Variants in LRRC7 observed in about 807,000 individuals in gnomAD.
LRRC7 encodes the protein leucine rich repeat containing 7.
In LRRC7, 23 loss-of-function variants were observed where a neutral mutation model predicts 175.7. That is an observed-to-expected ratio of 0.13 (90% CI 0.09 to 0.19). The LOEUF is 0.19. Among genes scored for constraint, LRRC7 ranks in the 10% least tolerant of loss-of-function variants. The pLI is 1.00. For synonymous variants in LRRC7, 685 were observed against 680.9 expected (o/e 1.01, Z -0.09); for missense variants, 1,354 against 1,904.7 (o/e 0.71, Z 5.38).
intron 2 of LRRC7, among the ~76,000 whole-genome samples, chr1:69,740,626 C>T (rs773700276): frequency 6.6e-6 from 1 of 152,082 alleles, no homozygotes; most frequent in Non-Finnish European, 1.5e-5. Context: ...GGGTTGATTA[C>T]AGCTCTGCGT....
intron 3 of LRRC7, among the ~76,000 whole-genome samples, chr1:69,791,546 G>C (rs111835486): frequency 0.024 from 3,670 of 152,082 alleles, 77 homozygotes; most frequent in Non-Finnish European, 0.032. Flanking sequence ...GAAGCAGTTG[G>C]GGGAGGGAGC....
chr1:70,121,477 C>T (rs1446246024), intron 26 of LRRC7, among the ~76,000 whole-genome samples: 1 of 152,014 alleles, frequency 6.6e-6, no homozygotes, highest in Non-Finnish European at 1.5e-5. Context: ...AAAAACAAAT[C>T]AGGACAACAA....
intron 2 of LRRC7, among the ~76,000 whole-genome samples, chr1:69,758,010 T>A (rs1375717924): frequency 1.3e-5 from 2 of 152,010 alleles, no homozygotes; most frequent in East Asian, 3.9e-4. Flanking sequence ...CTTTTCATCC[T>A]CGCTGCCACT....
At chr1:69,892,022 G>A (rs1324267292) in intron 7 of LRRC7, among the ~76,000 whole-genome samples, 10 of 152,146 alleles carry the variant, frequency 6.6e-5, no homozygotes, top group Non-Finnish European at 1.3e-4. Context: ...TCACTTGATT[G>A]TGGTAATAAT....
intron 2 of LRRC7, among the ~76,000 whole-genome samples, chr1:69,686,651 C>G (rs888695838): frequency 1.3e-5 from 2 of 151,764 alleles, no homozygotes; most frequent in Admixed American, 1.3e-4. Flanking sequence ...ACTCATGTAA[C>G]CTAGAGGATG....
At chr1:70,109,313 C>T (rs1418675074) in intron 26 of LRRC7, among the ~76,000 whole-genome samples, 2 of 152,104 alleles carry the variant, frequency 1.3e-5, no homozygotes, top group African/African-American at 2.4e-5. Context: ...TGAGCCACTG[C>T]GCCCGGCCTC....
chr1:69,737,471 C>G (rs1668248789), intron 2 of LRRC7, among the ~76,000 whole-genome samples: 1 of 152,036 alleles, frequency 6.6e-6, no homozygotes, highest in Non-Finnish European at 1.5e-5. Flanking sequence ...TATAAATTAC[C>G]CAGTCTCAGG....
rs138049122 is a variant in LRRC7 at position 70,134,651 on chromosome 1, C to G, written c.*12764C>G. ...AAAAAAAACAATTTCCTTCTAGCCA[C>G]ATGATCACCAGATACTAATACAGAA... On this transcript the variant is annotated 3_prime_UTR_variant, in exon 27 of 27. Transcript: ENST00000651989. Among the ~76,000 whole-genome samples, 846 of 152,334 alleles carry G rather than the reference C, an allele frequency of 5.6e-3. 6 individuals carry two copies. Among genetic ancestry groups the G allele is most frequent in the South Asian group, 0.033 (160 of 4,828 alleles).
chr1:69,780,973 G>GC (rs1673418148), intron 3 of LRRC7, among the ~76,000 whole-genome samples: 1 of 152,120 alleles, frequency 6.6e-6, no homozygotes, highest in African/African-American at 2.4e-5. Context: ...TATTTGTGGT[G>GC]AAAAACTATC....
intron 7 of LRRC7, among the ~76,000 whole-genome samples, chr1:69,845,250 C>CG (rs1389622994): frequency 6.6e-6 from 1 of 151,864 alleles, no homozygotes; most frequent in East Asian, 1.9e-4. Context: ...GACCCTCTCT[C>CG]AAATAAATAA....
intron 26 of LRRC7, among the ~76,000 whole-genome samples, chr1:70,111,763 G>A (rs997149407): frequency 1.3e-5 from 2 of 152,034 alleles, no homozygotes; most frequent in Non-Finnish European, 2.9e-5. Context: ...AAACTCACTC[G>A]CAAGTATGTC....
At position 70,124,978 on chromosome 1, in the gene LRRC7, T is replaced by C. The variant is rs1008508178; in HGVS notation, c.*3091T>C. On this transcript the variant is annotated 3_prime_UTR_variant, in exon 27 of 27. Transcript: ENST00000651989. ...AAAATTGCAAATTTTGCAAGACAAA[T>C]AGATATTAGTGGACAATTTTTAAAA... Among the ~76,000 whole-genome samples, 8 of 152,110 alleles carry C rather than the reference T, an allele frequency of 5.3e-5. No individual in the cohort carries two copies. Among genetic ancestry groups the C allele is most frequent in the African/African-American group, 1.9e-4 (8 of 41,428 alleles).
chr1:69,637,921 G>C (rs533058602), intron 1 of LRRC7, among the ~76,000 whole-genome samples: 1 of 151,988 alleles, frequency 6.6e-6, no homozygotes, highest in Non-Finnish European at 1.5e-5. Context: ...ATAGAAAGGT[G>C]ACACATTTTT....
chr1:70,058,698 A>T (rs1216636620), intron 23 of LRRC7, among the ~76,000 whole-genome samples: 2 of 152,212 alleles, frequency 1.3e-5, no homozygotes, highest in Admixed American at 1.3e-4. Flanking sequence ...AGAAACTCAT[A>T]CTCAGAGGTT....
intron 4 of LRRC7, among the ~76,000 whole-genome samples, chr1:69,796,331 A>G (rs1675761486): frequency 6.6e-6 from 1 of 151,512 alleles, no homozygotes; most frequent in Non-Finnish European, 1.5e-5. Flanking sequence ...TCTCTCTTCC[A>G]TTTCATGCTC....
At chr1:69,914,168 A>T (rs997764247) in intron 7 of LRRC7, among the ~76,000 whole-genome samples, 36 of 152,220 alleles carry the variant, frequency 2.4e-4, no homozygotes, top group African/African-American at 8.2e-4. Flanking sequence ...AAAAACTGGA[A>T]TGCATAAGTC....
chr1:70,143,522 G>A lies in LRRC7; in HGVS notation c.*21635G>A, dbSNP rs1467966330. 1 of 152,058 alleles carries A rather than the reference G, an allele frequency of 6.6e-6. No individual in the cohort carries two copies. Among genetic ancestry groups the A allele is most frequent in the Non-Finnish European group, 1.5e-5 (1 of 67,990 alleles). The allele number at this position is 152,058 out of a possible 1,614,324, so 9.4% of individuals were successfully genotyped here. On this transcript the variant is annotated 3_prime_UTR_variant, in exon 27 of 27. Coordinates refer to ENST00000651989, the MANE Select transcript of LRRC7 (RefSeq NM_001370785.2). ...AGTTTATTGACACTACCCTTGTAAAGCTTTTATGGAAGAACCAACAAGCCA... is the reference window on the plus strand; with the variant it reads ...AGTTTATTGACACTACCCTTGTAAAACTTTTATGGAAGAACCAACAAGCCA...
At chr1:69,734,205 AAAT>A (rs1667873799) in intron 2 of LRRC7, among the ~76,000 whole-genome samples, 1 of 151,946 alleles carries the variant, frequency 6.6e-6, no homozygotes, top group Non-Finnish European at 1.5e-5. Context: ...AAAATAAAGA[AAAT>A]TTAAAGCATC....
At chr1:69,660,146 G>A (rs567527865) in intron 1 of LRRC7, among the ~76,000 whole-genome samples, 1 of 151,310 alleles carries the variant, frequency 6.6e-6, no homozygotes, top group Non-Finnish European at 1.5e-5. Context: ...ACTCATGAGG[G>A]GTTCTGCAAC....
Sources: gnomAD v4.1 joint callset for allele counts (sites outside exome capture counted in the v4.1 genomes callset) on GRCh38, gnomAD v4.1.1 for gene constraint, MANE v1.5 for transcripts, NCBI Gene and HGNC (gene_info 2026-07-23, HGNC 2026-07-21) for gene names.